The following MPG variants were observed in gnomAD, a reference collection of about 807,000 sequenced individuals.
MPG encodes DNA-3-methyladenine glycosylase.
MPG carries 33 observed loss-of-function variants against 31.7 expected under a neutral mutation model. The observed-to-expected ratio is 1.04, with a 90% confidence interval of 0.79 to 1.39. The LOEUF (loss-of-function observed/expected upper bound fraction) is 1.39. Among genes scored for constraint, MPG ranks in the 40% most tolerant of loss-of-function variants. The pLI, the probability that MPG is intolerant of heterozygous loss-of-function variation, is 0.00. For synonymous variants in MPG, 202 were observed against 169.2 expected, an observed-to-expected ratio of 1.19 and a Z score of -1.51; for missense variants, 455 against 415.5, an observed-to-expected ratio of 1.10 and a Z score of -0.83.
upstream of MPG, chr16:78,189 C>T (rs1301063890): frequency 2.1e-6 from 2 of 947,142 alleles, no homozygotes; most frequent in Non-Finnish European, 2.8e-6. Context: ...CTTCTCCCGG[C>T]TTCCGTCCCC....
intron 3 of MPG, among the ~76,000 whole-genome samples, chr16:84,789 G>T (rs1290739479): frequency 6.6e-6 from 1 of 152,216 alleles, no homozygotes; most frequent in African/African-American, 2.4e-5. Context: ...GTTGCAGTCA[G>T]TCCTTCCACT....
chr16:81,135 A>G (rs534774261), intron 2 of MPG, among the ~76,000 whole-genome samples: 2 of 152,302 alleles, frequency 1.3e-5, no homozygotes, highest in South Asian at 4.1e-4. Context: ...GGGTCACTGC[A>G]GTGAGTTGCC....
chr16:81,876 C>A (rs1898250459), intron 2 of MPG, among the ~76,000 whole-genome samples: 1 of 125,116 alleles, frequency 8.0e-6, no homozygotes. Flanking sequence ...TTCTTCCCAC[C>A]ACCCTACCTC....
chr16:79,324 C>A, intron 1 of MPG, 101 bp from the exon 2 acceptor site: 1 of 1,611,822 alleles, frequency 6.2e-7, no homozygotes, highest in Non-Finnish European at 8.5e-7. Context: ...ATGAAGAAAC[C>A]AAAGCAGGTG....
chr16:80,203 C>T (rs967907405), intron 2 of MPG, among the ~76,000 whole-genome samples: 1 of 152,220 alleles, frequency 6.6e-6, no homozygotes, highest in South Asian at 2.1e-4. Context: ...GCCTACGGTG[C>T]AGCCTGTCCC....
intron 1 of MPG, 50 bp downstream of exon 1, chr16:78,383 G>A (rs1898149061): frequency 8.4e-7 from 1 of 1,184,180 alleles, no homozygotes; most frequent in Non-Finnish European, 1.0e-6. Context: ...CCACCCCCAG[G>A]CGCAGCAGCG....
At chr16:78,176 C>A, upstream of MPG, 1 of 744,168 alleles carries the variant, frequency 1.3e-6, no homozygotes, top group Non-Finnish European at 1.8e-6. Context: ...GCTCACTGCC[C>A]CCCTTCTCCC....
At chr16:77,806 A>T (rs907518815), upstream of MPG, among the ~76,000 whole-genome samples, 6 of 151,564 alleles carry the variant, frequency 4.0e-5, no homozygotes, top group African/African-American at 2.4e-5. Flanking sequence ...CTGGCACCCC[A>T]CCGGAAAACA....
intron 1 of MPG, chr16:79,014 G>T: frequency 7.1e-7 from 1 of 1,411,808 alleles, no homozygotes; most frequent in South Asian, 1.5e-5. Context: ...ATTCTGGCAA[G>T]GGTTGGATGA....
At chr16:83,013 C>T in intron 2 of MPG, 39 bp from the exon 3 acceptor site, 1 of 1,522,344 alleles carries the variant, frequency 6.6e-7, no homozygotes. Flanking sequence ...AGTGGACCCC[C>T]ATCCCTTCCC....
At chr16:82,167 A>ACC (rs1898264281) in intron 2 of MPG, among the ~76,000 whole-genome samples, 5 of 75,580 alleles carry the variant, frequency 6.6e-5, no homozygotes, top group Non-Finnish European at 9.4e-5. Context: ...CCACCACCCT[A>ACC]TCTCCGGGAA....
At chr16:80,617 T>A (rs1012327812) in intron 2 of MPG, among the ~76,000 whole-genome samples, 26 of 152,148 alleles carry the variant, frequency 1.7e-4, no homozygotes, top group Admixed American at 4.6e-4. Flanking sequence ...GAGACCAGCC[T>A]GACCAACATG....
Position 83,164 on chromosome 16 carries a change from C to G in MPG, c.413C>G (p.Thr138Ser), listed in dbSNP as rs771696907. 6.2e-7 allele frequency: 1 copy of G among 1,612,936 alleles called. No homozygotes were observed. ...EAAHSRGGRQ[T>S]PRNRGMFMKP... Reference sequence around the variant, plus strand: ...GCCCACTCAAGGGGTGGCCGGCAGACCCCCCGCAACCGAGGCATGTTCATG... The same window carrying G: ...GCCCACTCAAGGGGTGGCCGGCAGAGCCCCCGCAACCGAGGCATGTTCATG... The change falls in exon 3 of 4, where the codon ACC (threonine) becomes AGC (serine). Residue 138 changes from threonine to serine, a missense_variant. By Grantham distance (58) the Thr-to-Ser change is moderately conservative. Transcript: ENST00000356432.
At position 79,527 on chromosome 16, in the gene MPG, T is replaced by TCGTC. The variant is rs758303850; in HGVS notation, c.130_133dup (p.Asp45ValfsTer65). ...GGCACCTGCAGAGCAGCCACACAGCTCGTCCGATGCAGCCCAGGCACCTTG... is the reference window on the plus strand; with the variant it reads ...GGCACCTGCAGAGCAGCCACACAGCTCGTCCGTCCGATGCAGCCCAGGCACCTTG... On this transcript the variant is annotated frameshift_variant, in exon 2 of 4. Coordinates refer to ENST00000356432, the MANE Select transcript of MPG (RefSeq NM_001015052.3). LOFTEE classifies it high-confidence loss of function. The TCGTC allele has an allele frequency of 1.2e-5, 19 of 1,612,688 alleles. No homozygotes were observed. The highest frequency in any genetic ancestry group is 1.4e-5 in the Non-Finnish European group (16 of 1,179,940).
At chr16:83,893 C>T (rs1898333655) in intron 3 of MPG, among the ~76,000 whole-genome samples, 1 of 152,088 alleles carries the variant, frequency 6.6e-6, no homozygotes, top group Non-Finnish European at 1.5e-5. Flanking sequence ...CTAAGAGCAG[C>T]GTGGTCAGGT....
At chr16:78,145 G>T, upstream of MPG, 1 of 467,454 alleles carries the variant, frequency 2.1e-6, no homozygotes, top group Non-Finnish European at 3.3e-6. Flanking sequence ...CCCCGCCCCG[G>T]GGGCGCAGCC....
chr16:83,359 G>A lies in MPG; in HGVS notation c.505+103G>A, dbSNP rs567041762. ...ACTGAGGTGGGGCCAGCATTTGAGC[G>A]AGGAGGTGCCACTTCCAGGCCAGGC... On this transcript the variant is annotated intron_variant, in intron 3 of 3. Transcript: ENST00000356432. 3.1e-5 allele frequency: 37 copies of A among 1,190,592 alleles called. 1 individual carries two copies. Among genetic ancestry groups the A allele is most frequent in the Middle Eastern group, 1.9e-4 (1 of 5,172 alleles). The allele number at this position is 1,190,592 out of a possible 1,614,324, so 73.8% of individuals were successfully genotyped here.
At chr16:85,327 A>G in intron 3 of MPG, 74 bp from the exon 4 acceptor site, 1 of 1,490,462 alleles carries the variant, frequency 6.7e-7, no homozygotes, top group Non-Finnish European at 8.9e-7. Context: ...GCAGCACAGG[A>G]TGTCTGGATG....
At chr16:85,324 AG>A (rs1898399284) in intron 3 of MPG, 76 bp from the exon 4 acceptor site, 1 of 1,485,134 alleles carries the variant, frequency 6.7e-7, no homozygotes, top group Admixed American at 2.2e-5. Flanking sequence ...CCTGCAGCAC[AG>A]GATGTCTGGA....
Sources: allele counts gnomAD v4.1 joint callset (sites outside exome capture counted in the v4.1 genomes callset), GRCh38; gene constraint gnomAD v4.1.1; transcripts MANE v1.5; gene names NCBI Gene and HGNC (gene_info 2026-07-23, HGNC 2026-07-21).